Variants in RYR3 observed in about 807,000 individuals in gnomAD.
RYR3 encodes brain ryanodine receptor-calcium release channel.
A neutral mutation model predicts 584.3 loss-of-function variants in RYR3; 207 were observed. The observed-to-expected ratio is 0.35, with a 90% CI of 0.32 to 0.40. The LOEUF is 0.40. Among genes scored for constraint, RYR3 ranks in the 10% least tolerant of loss-of-function variants. The pLI, the probability that RYR3 is intolerant of heterozygous loss-of-function variation, is 1.00. For synonymous variants in RYR3, 2,416 were observed against 2,248.5 expected (o/e 1.07, Z -2.11); for missense variants, 5,616 against 6,089.2 (o/e 0.92, Z 2.59).
chr15:33,739,702 C>T lies in RYR3; in HGVS notation c.7657-130C>T, dbSNP rs2069879661. On this transcript the variant is annotated intron_variant, in intron 50 of 103. Coordinates refer to ENST00000634891, the MANE Select transcript of RYR3 (RefSeq NM_001036.6). ...ACCAGAAAATATTTAAGGGGTTACACATTTCCCGTTTTGGTTAACCTGGAT... is the reference window on the plus strand; with the variant it reads ...ACCAGAAAATATTTAAGGGGTTACATATTTCCCGTTTTGGTTAACCTGGAT... The T allele has an allele frequency of 6.1e-6, 4 of 660,014 alleles. No homozygotes were observed. The South Asian group carries it at 9.3e-5, about 15-fold the overall frequency. 40.9% of individuals were successfully genotyped at this position (660,014 alleles called of 1,614,324 possible).
At chr15:33,762,155 A>C (rs914815793) in intron 60 of RYR3, among the ~76,000 whole-genome samples, 2 of 151,862 alleles carry the variant, frequency 1.3e-5, no homozygotes, top group African/African-American at 4.8e-5. Context: ...TATCATACTG[A>C]ATGGGCAAAA....
Position 33,739,941 on chromosome 15 carries a change from A to G in RYR3, c.7766A>G (p.Gln2589Arg), listed in dbSNP as rs374158291. 11 of 1,613,784 alleles carry G rather than the reference A, an allele frequency of 6.8e-6. No individual in the cohort carries two copies. The highest frequency in any genetic ancestry group is 1.1e-5 in the South Asian group (1 of 91,062). Residue 2589 changes from glutamine to arginine, a missense_variant, in exon 51 of 104, where the codon CAG (glutamine) becomes CGG (arginine). Physicochemically the swap from Gln to Arg is conservative, Grantham distance 43. This residue lies in a region of RYR3 where 1,280 missense variants were observed against 1,426.2 expected (regional missense o/e 0.90). Transcript: ENST00000634891. ...DTRITATLEK[Q>R]ISVDADGNFD... ...AGAATCACAGCCACGTTGGAGAAAC[A>G]GATCTCAGTGGATGCGGATGGCAAC...
In RYR3 at chr15:33,596,536, T is replaced by C. The variant is rs186497190; in HGVS notation, c.1789-4883T>C. Among the ~76,000 whole-genome samples, 220 of 152,132 alleles carry C rather than the reference T, an allele frequency of 1.4e-3. 1 individual carries two copies. Among genetic ancestry groups the C allele is most frequent in the African/African-American group, 5.0e-3 (206 of 41,520 alleles). ...CTGACTTCTTTTTATTTATTTATTT[T>C]AAGTGGATGAATAATACTTGTACAT... On this transcript the variant is annotated intron_variant, in intron 16 of 103. Coordinates refer to ENST00000634891, the MANE Select transcript of RYR3 (RefSeq NM_001036.6).
chr15:33,418,329 GTT>G (rs775218592), intron 1 of RYR3, among the ~76,000 whole-genome samples: 33 of 143,808 alleles, frequency 2.3e-4, no homozygotes, highest in African/African-American at 8.1e-4. Flanking sequence ...TCGTTGGCAG[GTT>G]TTTTTTTTTT....
chr15:33,807,620 C>T (rs946173106), intron 70 of RYR3, 51 bp downstream of exon 70: 34 of 1,530,908 alleles, frequency 2.2e-5, no homozygotes, highest in Admixed American at 2.0e-4. Flanking sequence ...TTAGAGGTGC[C>T]GGGCTCTGGC....
At chr15:33,593,741 T>C (rs190497817) in intron 16 of RYR3, among the ~76,000 whole-genome samples, 1 of 152,252 alleles carries the variant, frequency 6.6e-6, no homozygotes, top group East Asian at 1.9e-4. Flanking sequence ...TCCCAAACTG[T>C]AGAAAATAAT....
chr15:33,671,102 A>G (rs1342364887), intron 38 of RYR3, among the ~76,000 whole-genome samples: 1 of 152,088 alleles, frequency 6.6e-6, no homozygotes, highest in Non-Finnish European at 1.5e-5. Context: ...CTTTGTCTAG[A>G]TTTATCTCTC....
At chr15:33,517,452 C>G (rs1049315875) in intron 3 of RYR3, among the ~76,000 whole-genome samples, 10 of 152,198 alleles carry the variant, frequency 6.6e-5, no homozygotes, top group African/African-American at 1.9e-4. Context: ...ATTACAATGA[C>G]CATTTCACAC....
At chr15:33,581,440 G>A in intron 13 of RYR3, 68 bp from the exon 14 acceptor site, 2 of 1,479,392 alleles carry the variant, frequency 1.4e-6, no homozygotes, top group East Asian at 2.3e-5. Flanking sequence ...TACAGGAGGG[G>A]AAAGAGCATA....
At chr15:33,316,244 A>G (rs1196641328) in intron 1 of RYR3, among the ~76,000 whole-genome samples, 1 of 151,986 alleles carries the variant, frequency 6.6e-6, no homozygotes, top group Non-Finnish European at 1.5e-5. Context: ...GCTTTGTGTT[A>G]TTTTTACACC....
chr15:33,858,979 T>G (rs2080037449), intron 99 of RYR3: 1 of 152,694 alleles, frequency 6.5e-6, no homozygotes, highest in African/African-American at 2.4e-5. Flanking sequence ...AGGCTGCCCC[T>G]GGCTTTTGAT....
chr15:33,771,344 G>A (rs2073555532), intron 62 of RYR3, among the ~76,000 whole-genome samples: 1 of 152,102 alleles, frequency 6.6e-6, no homozygotes. Flanking sequence ...GACCATCCTG[G>A]CCAACATGGT....
intron 1 of RYR3, 34 bp from the exon 2 acceptor site, chr15:33,473,385 C>T: frequency 1.2e-6 from 2 of 1,613,202 alleles, no homozygotes; most frequent in South Asian, 1.1e-5. Flanking sequence ...AGCAGTTCCC[C>T]TTACTCATGT....
At chr15:33,529,768 T>C (rs189324153) in intron 3 of RYR3, among the ~76,000 whole-genome samples, 2 of 152,308 alleles carry the variant, frequency 1.3e-5, no homozygotes, top group East Asian at 3.9e-4. Flanking sequence ...TCTGTAGATT[T>C]CCATTTTCCA....
chr15:33,809,825 C>A (rs1328465445), intron 70 of RYR3, among the ~76,000 whole-genome samples: 2 of 152,092 alleles, frequency 1.3e-5, no homozygotes, highest in African/African-American at 4.8e-5. Flanking sequence ...AAACCTGCAA[C>A]TTCACTGAGT....
At chr15:33,864,090 A>C in intron 102 of RYR3, 48 bp from the exon 103 acceptor site, 1 of 1,417,642 alleles carries the variant, frequency 7.1e-7, no homozygotes. Flanking sequence ...ATGCGAATGA[A>C]CTTGGGTCTT....
At position 33,756,724 on chromosome 15, in the gene RYR3, C is replaced by G. The variant is rs114621277; in HGVS notation, c.8583+351C>G. ...AGCTGTTGCTTTTTAAAAGTTCTAT[C>G]CCAATGGCTAGAACTTGTCATCTTT... On this transcript the variant is annotated intron_variant, in intron 59 of 103. Coordinates refer to ENST00000634891, the MANE Select transcript of RYR3 (RefSeq NM_001036.6). Among the ~76,000 whole-genome samples the G allele has an allele frequency of 6.0e-3, 911 of 152,226 alleles. 16 individuals are homozygous for G. Among genetic ancestry groups the G allele is most frequent in the African/African-American group, 0.02 (824 of 41,544 alleles).
At position 33,790,771 on chromosome 15, in the gene RYR3, A is replaced by G. The variant is rs148934723; in HGVS notation, c.9830+2313A>G. Reference sequence around the variant, plus strand: ...ATAAGTAAAGGATTGAGGAAGAGACAGAAGAGTTCCTCAGTACTAAGAGGT... The same window carrying G: ...ATAAGTAAAGGATTGAGGAAGAGACGGAAGAGTTCCTCAGTACTAAGAGGT... On this transcript the variant is annotated intron_variant, in intron 67 of 103. Transcript: ENST00000634891. Among the ~76,000 whole-genome samples the G allele has an allele frequency of 1.4e-4, 22 of 152,348 alleles. No individual in the cohort carries two copies. In the East Asian group the frequency reaches 4.0e-3, roughly 28 times the overall value.
At chr15:33,756,234 T>G (rs1396462965) in intron 58 of RYR3, 72 bp from the exon 59 acceptor site, 4 of 1,005,452 alleles carry the variant, frequency 4.0e-6, no homozygotes, top group Admixed American at 4.0e-5. Flanking sequence ...AAAGCTGCTC[T>G]GTTTCTAAAA....
Sources: gnomAD v4.1 joint callset for allele counts (sites outside exome capture counted in the v4.1 genomes callset) on GRCh38, gnomAD v4.1.1 for gene constraint, gnomAD v4.1.1 regional missense constraint, MANE v1.5 for transcripts, NCBI Gene and HGNC (gene_info 2026-07-23, HGNC 2026-07-21) for gene names.